The following APAF1 variants were observed in gnomAD, a reference collection of about 807,000 sequenced individuals.
The protein encoded by APAF1 is apoptotic protease-activating factor 1.
In APAF1, 91 loss-of-function variants were observed where a neutral mutation model predicts 152.4. That is an observed-to-expected ratio of 0.60 (90% CI 0.50 to 0.71). The LOEUF is 0.71. Among genes scored for constraint, APAF1 ranks in the 30% least tolerant of loss-of-function variants. APAF1 has a pLI of 0.00. For missense variants in APAF1, 1,283 were observed against 1,472.0 expected (o/e 0.87, Z 2.10); for synonymous variants, 484 against 494.1 (o/e 0.98, Z 0.27).
intron 4 of APAF1, among the ~76,000 whole-genome samples, chr12:98,655,462 AC>A (rs1428957596): frequency 1.4e-5 from 2 of 142,124 alleles, no homozygotes; most frequent in East Asian, 4.3e-4. Flanking sequence ...CAGGGGGCTG[AC>A]CCCCCCACCT....
intron 4 of APAF1, among the ~76,000 whole-genome samples, chr12:98,654,641 A>G (rs1362399583): frequency 6.6e-6 from 1 of 151,986 alleles, no homozygotes; most frequent in African/African-American, 2.4e-5. Flanking sequence ...CACCTGACCC[A>G]AGTGATCCCC....
chr12:98,667,765 A>ATTTTTTTTTTTTTTTTTTTTTTTTTTTT, intron 10 of APAF1, 121 bp downstream of exon 10: 1 of 240,796 alleles, frequency 4.2e-6, no homozygotes, highest in Non-Finnish European at 6.8e-6. Flanking sequence ...TTTCCATTTG[A>ATTTTTTTTTTTTTTTTTTTTTTTTTTTT]TTTTTTTTTT....
chr12:98,673,578 C>A (rs1446330613), intron 12 of APAF1, among the ~76,000 whole-genome samples: 1 of 151,700 alleles, frequency 6.6e-6, no homozygotes, highest in Non-Finnish European at 1.5e-5. Context: ...TAATTTATAT[C>A]TAAATAGAAG....
At chr12:98,706,715 A>T in intron 19 of APAF1, 105 bp downstream of exon 19, 9 of 1,274,202 alleles carry the variant, frequency 7.1e-6, no homozygotes, top group Non-Finnish European at 6.8e-6. Context: ...AGAATAGGAA[A>T]CTAGTACTAT....
chr12:98,651,057 A>G (rs1387167617), intron 4 of APAF1, among the ~76,000 whole-genome samples: 1 of 152,212 alleles, frequency 6.6e-6, no homozygotes, highest in East Asian at 1.9e-4. Context: ...ATAAATTGTT[A>G]TCTTGGAACA....
chr12:98,646,154 A>G (rs1358981238), intron 1 of APAF1, among the ~76,000 whole-genome samples: 2 of 152,254 alleles, frequency 1.3e-5, no homozygotes, highest in East Asian at 1.9e-4. Context: ...TAACAGGACT[A>G]GGTGAAATTG....
At chr12:98,661,752 G>A (rs1299572145) in intron 5 of APAF1, among the ~76,000 whole-genome samples, 1 of 151,822 alleles carries the variant, frequency 6.6e-6, no homozygotes, top group African/African-American at 2.4e-5. Flanking sequence ...TACAGGCCTA[G>A]AGTATTTTTT....
chr12:98,706,774 C>T (rs2097721850), intron 19 of APAF1, among the ~76,000 whole-genome samples, 164 bp downstream of exon 19: 1 of 152,160 alleles, frequency 6.6e-6, no homozygotes, highest in Admixed American at 6.5e-5. Context: ...GTAACAGTCT[C>T]ATTCATTCGT....
At chr12:98,649,380 GA>G in intron 3 of APAF1, 106 bp from the exon 4 acceptor site, 1 of 1,408,516 alleles carries the variant, frequency 7.1e-7, no homozygotes, top group South Asian at 1.3e-5. Context: ...ACTTCTCTTG[GA>G]AATTTTCAGG....
chr12:98,656,727 C>G (rs1469414475), intron 4 of APAF1, among the ~76,000 whole-genome samples: 2 of 152,130 alleles, frequency 1.3e-5, no homozygotes, highest in Admixed American at 6.5e-5. Context: ...CCTGAGTTTA[C>G]TACCTTCTCC....
chr12:98,687,012 A>C, intron 16 of APAF1, 139 bp downstream of exon 16: 1 of 834,848 alleles, frequency 1.2e-6, no homozygotes, highest in Non-Finnish European at 1.9e-6. Flanking sequence ...TATTTAATGT[A>C]ACTGTAATTG....
At position 98,720,828 on chromosome 12, in the gene APAF1, G is replaced by A. The variant is rs550540151; in HGVS notation, c.3085-2365G>A. 3.9e-5 allele frequency among the ~76,000 whole-genome samples: 6 copies of A among 152,130 alleles called. 1 individual carries two copies. The highest frequency in any genetic ancestry group is 3.9e-4 in the East Asian group (2 of 5,166). On this transcript the variant is annotated intron_variant, in intron 22 of 26. Transcript: ENST00000551964. ...AAAAATACAAAAAAATTAGCCAGGC[G>A]TGGTGACAGGCACCTGTAGTCCCAG... is the stretch of plus-strand genomic sequence containing the variant.
At chr12:98,682,859 TA>T (rs2097693901) in intron 14 of APAF1, among the ~76,000 whole-genome samples, 1 of 152,218 alleles carries the variant, frequency 6.6e-6, no homozygotes, top group African/African-American at 2.4e-5. Context: ...TTCATTCATA[TA>T]AACATGTGAA....
intron 26 of APAF1, among the ~76,000 whole-genome samples, chr12:98,730,038 A>G (rs551951286): frequency 2.0e-5 from 3 of 152,364 alleles, no homozygotes; most frequent in Admixed American, 2.0e-4. Context: ...CAATTATCCT[A>G]ATTTGATCAT....
intron 17 of APAF1, among the ~76,000 whole-genome samples, chr12:98,700,016 G>A (rs2097713706): frequency 6.6e-6 from 1 of 152,028 alleles, no homozygotes; most frequent in African/African-American, 2.4e-5. Context: ...TGATGACTCT[G>A]ACAGAAATGC....
chr12:98,712,661 T>C, intron 21 of APAF1: 1 of 499,624 alleles, frequency 2.0e-6, no homozygotes, highest in Non-Finnish European at 3.6e-6. Context: ...GGACTAAAGG[T>C]GTACGTCACC....
At chr12:98,723,069 C>G in intron 22 of APAF1, 124 bp from the exon 23 acceptor site, 3 of 990,882 alleles carry the variant, frequency 3.0e-6, no homozygotes, top group Non-Finnish European at 4.7e-6. Flanking sequence ...TCTTATTCCT[C>G]TCTGTTTTAC....
rs966408324 is a variant in APAF1, at chr12:98,648,681, A to G, written c.194A>G (p.Asn65Ser). The change falls in exon 3 of 27, where the codon AAT (asparagine) becomes AGT (serine). Residue 65 changes from asparagine to serine, a missense_variant. Asn to Ser is a conservative substitution (Grantham distance 46). Transcript: ENST00000551964. ...MLIKMILKKD[N>S]DSYVSFYNAL... Reference sequence around the variant, plus strand: ...ATTAAAATGATACTTAAAAAAGATAATGATTCCTACGTATCATTCTACAAT... The same window carrying G: ...ATTAAAATGATACTTAAAAAAGATAGTGATTCCTACGTATCATTCTACAAT... The G allele has an allele frequency of 3.7e-6, 6 of 1,613,976 alleles. No individual in the cohort carries two copies. Among genetic ancestry groups the G allele is most frequent in the Middle Eastern group, 1.7e-4 (1 of 6,060 alleles).
intron 5 of APAF1, among the ~76,000 whole-genome samples, chr12:98,661,260 C>T (rs1042090887): frequency 4.6e-5 from 7 of 152,098 alleles, no homozygotes; most frequent in African/African-American, 1.7e-4. Flanking sequence ...CTAACCCTTC[C>T]CTCTTTAATT....
Sources: allele counts gnomAD v4.1 joint callset (sites outside exome capture counted in the v4.1 genomes callset), GRCh38; gene constraint gnomAD v4.1.1; transcripts MANE v1.5; gene names NCBI Gene and HGNC (gene_info 2026-07-23, HGNC 2026-07-21).